TTC7B: variants seen among roughly 807,000 people sequenced by gnomAD.
TTC7B encodes tetratricopeptide repeat protein 7B.
Under a neutral mutation model 106.8 loss-of-function variants are expected in TTC7B, and 28 were observed. That is an observed-to-expected ratio of 0.26 (90% CI 0.19 to 0.36). The LOEUF (loss-of-function observed/expected upper bound fraction) is 0.36, where lower values mean the gene tolerates loss of function less well. Ranked by LOEUF, TTC7B falls within the 10% of genes least tolerant of loss-of-function variation. The pLI, the probability that TTC7B is intolerant of heterozygous loss-of-function variation, is 1.00. For missense variants in TTC7B, 862 were observed against 1,076.4 expected, an observed-to-expected ratio of 0.80 and a Z score of 2.79; for synonymous variants, 405 against 430.6, an observed-to-expected ratio of 0.94 and a Z score of 0.74.
chr14:90,531,839 C>T lies in TTC7B; in HGVS notation c.*9529G>A, dbSNP rs1008360677. 7 of 152,180 alleles carry T rather than the reference C, an allele frequency of 4.6e-5. No homozygotes were observed. Among genetic ancestry groups the T allele is most frequent in the African/African-American group, 1.7e-4 (7 of 41,422 alleles). The allele number at this position is 152,180 out of a possible 1,614,324, so 9.4% of individuals were successfully genotyped here. A position where few individuals can be genotyped will look rare whatever the true frequency, so the allele number is the denominator to read the frequency against. ...CTGAAAACACTGGACTGAAAAGTCT[C>T]ATTGTGTCTGAGCTCTGCCCCTTTC... On this transcript the variant is annotated 3_prime_UTR_variant, in exon 20 of 20. Coordinates refer to ENST00000328459, the MANE Select transcript of TTC7B (RefSeq NM_001010854.2).
rs1303294821 is a variant in TTC7B at position 90,615,752 on chromosome 14, T to C, written c.1868+2177A>G. ...TGATAAGGGCTACAGGAGAAACATT[T>C]ATTTCTATCCCAGAGAAAATCAAGT... On this transcript the variant is annotated intron_variant, in intron 16 of 19. Coordinates refer to ENST00000328459, the MANE Select transcript of TTC7B (RefSeq NM_001010854.2). 3.3e-5 allele frequency among the ~76,000 whole-genome samples: 5 copies of C among 152,206 alleles called. No individual in the cohort carries two copies. The East Asian group carries it at 7.7e-4, about 23-fold the overall frequency.
chr14:90,740,809 C>T (rs557537591), intron 4 of TTC7B, among the ~76,000 whole-genome samples: 3 of 152,220 alleles, frequency 2.0e-5, no homozygotes, highest in Non-Finnish European at 2.9e-5. Context: ...GCCTCTTTAA[C>T]ATTTTTAATG....
intron 3 of TTC7B, among the ~76,000 whole-genome samples, chr14:90,769,859 A>T (rs990585331): frequency 6.6e-5 from 10 of 152,220 alleles, no homozygotes; most frequent in African/African-American, 2.4e-4. Context: ...ACTTTAAATT[A>T]AAAAAGGCGT....
chr14:90,553,740 C>A (rs1890184777), intron 19 of TTC7B, among the ~76,000 whole-genome samples: 1 of 152,218 alleles, frequency 6.6e-6, no homozygotes, highest in Admixed American at 6.5e-5. Flanking sequence ...ATTCAGACCT[C>A]CCGCCCACTC....
At chr14:90,688,621 CAAAAAAAAAAAAAAAAA>C (rs57020065) in intron 7 of TTC7B, among the ~76,000 whole-genome samples, 1 of 54,488 alleles carries the variant, frequency 1.8e-5, no homozygotes, top group African/African-American at 8.5e-5. Flanking sequence ...GGCTCTGTCT[CAAAAAAAAAAAAAAAAA>C]AAAAAAAAAA....
chr14:90,541,698 C>T (rs556087200), intron 19 of TTC7B, 109 bp from the exon 20 acceptor site: 51 of 813,876 alleles, frequency 6.3e-5, no homozygotes, highest in East Asian at 3.8e-4. Flanking sequence ...GGGAATATAT[C>T]GCCATTGGGC....
chr14:90,664,605 G>C (rs1886338463), intron 9 of TTC7B, among the ~76,000 whole-genome samples: 1 of 152,224 alleles, frequency 6.6e-6, no homozygotes. Flanking sequence ...CAGTGAAAAA[G>C]ATGCATTGAT....
At chr14:90,658,266 A>C in intron 10 of TTC7B, 38 bp downstream of exon 10, 1 of 1,542,270 alleles carries the variant, frequency 6.5e-7, no homozygotes, top group South Asian at 1.1e-5. Context: ...CCTTAATAGG[A>C]AAGGCATAAA....
chr14:90,621,427 G>A (rs1267150101), intron 15 of TTC7B, among the ~76,000 whole-genome samples: 1 of 150,426 alleles, frequency 6.6e-6, no homozygotes, highest in Non-Finnish European at 1.5e-5. Context: ...CCGGGATGAT[G>A]GGCAGAAGCC....
chr14:90,655,666 C>T (rs1408593953), intron 11 of TTC7B, among the ~76,000 whole-genome samples: 2 of 152,094 alleles, frequency 1.3e-5, no homozygotes, highest in African/African-American at 4.8e-5. Flanking sequence ...AAACTACACC[C>T]ACAATAAGAC....
intron 4 of TTC7B, among the ~76,000 whole-genome samples, chr14:90,731,892 C>G (rs138841478): frequency 6.6e-6 from 1 of 152,326 alleles, no homozygotes; most frequent in African/African-American, 2.4e-5. Flanking sequence ...GGAGGTCCAA[C>G]ACGGAAACTT....
intron 19 of TTC7B, chr14:90,567,742 C>T (rs1890858561): frequency 6.6e-6 from 1 of 152,318 alleles, no homozygotes; most frequent in South Asian, 2.1e-4. Flanking sequence ...CCTGTCTGGC[C>T]TCCGCTTCCC....
chr14:90,712,521 C>A (rs569696337), intron 5 of TTC7B, among the ~76,000 whole-genome samples: 1 of 152,170 alleles, frequency 6.6e-6, no homozygotes, highest in South Asian at 2.1e-4. Context: ...ATTAAGAAAG[C>A]AATTCACAAT....
chr14:90,639,844 CAA>C (rs752717686), intron 15 of TTC7B, among the ~76,000 whole-genome samples: 14 of 152,164 alleles, frequency 9.2e-5, no homozygotes, highest in Non-Finnish European at 1.8e-4. Flanking sequence ...TCATGCAAAC[CAA>C]AGAGTCACTG....
Position 90,533,368 on chromosome 14 carries a change from ATGCAGAGCGGGACTCGGACTC to A in TTC7B, c.*7979_*7999del, listed in dbSNP as rs1889332675. The A allele has an allele frequency of 6.6e-6, 1 of 152,582 alleles. No individual in the cohort carries two copies. Among genetic ancestry groups the A allele is most frequent in the African/African-American group, 2.4e-5 (1 of 41,438 alleles). The allele number at this position is 152,582 out of a possible 1,614,324, so 9.5% of individuals were successfully genotyped here. A position where few individuals can be genotyped will look rare whatever the true frequency, so the allele number is the denominator to read the frequency against. ...GACCAGGCCCCTCACCTCCTCCTCC[ATGCAGAGCGGGACTCGGACTC>A]TGCCTCAGCTGCAGCTAGCTCTGCC... On this transcript the variant is annotated 3_prime_UTR_variant, in exon 20 of 20. Coordinates refer to ENST00000328459, the MANE Select transcript of TTC7B (RefSeq NM_001010854.2).
intron 19 of TTC7B, among the ~76,000 whole-genome samples, chr14:90,571,773 A>G (rs547126314): frequency 2.6e-5 from 4 of 152,368 alleles, no homozygotes; most frequent in African/African-American, 9.6e-5. Flanking sequence ...CCAGAGGAAC[A>G]GAAGGGTTCA....
rs749446610 is a variant in TTC7B at position 90,658,363 on chromosome 14, C to T, written c.1177G>A (p.Ala393Thr). The change falls in exon 10 of 20, where the codon GCC becomes ACC. Residue 393 changes from alanine to threonine, a missense_variant. By Grantham distance (58) the Ala-to-Thr change is moderately conservative. Coordinates refer to ENST00000328459, the MANE Select transcript of TTC7B (RefSeq NM_001010854.2). ...SECLERAMKF[A>T]FEEFHLWYQF... ...TACCACAGGTGGAATTCCTCAAAGG[C>T]AAACTTCATGGCTCTTTCTAGGCAC... is the stretch of plus-strand genomic sequence containing the variant. 4 of 1,614,138 alleles carry T rather than the reference C, an allele frequency of 2.5e-6. No individual in the cohort carries two copies. Among genetic ancestry groups the T allele is most frequent in the South Asian group, 2.2e-5 (2 of 91,076 alleles).
At chr14:90,700,059 T>G (rs1742099) in intron 5 of TTC7B, among the ~76,000 whole-genome samples, 49,775 of 152,056 alleles carry the variant, frequency 0.33, 8,464 homozygotes, top group Middle Eastern at 0.38. Flanking sequence ...CCCGTTTCTT[T>G]TCTCCTTCTT....
At chr14:90,594,805 C>T (rs1164961108) in intron 17 of TTC7B, among the ~76,000 whole-genome samples, 1 of 152,206 alleles carries the variant, frequency 6.6e-6, no homozygotes, top group East Asian at 1.9e-4. Context: ...TACCCATCAT[C>T]TATAAATTTA....
Sources: gnomAD v4.1 joint callset for allele counts (sites outside exome capture counted in the v4.1 genomes callset) on GRCh38, gnomAD v4.1.1 for gene constraint, MANE v1.5 for transcripts, NCBI Gene and HGNC (gene_info 2026-07-23, HGNC 2026-07-21) for gene names.